The following CEP112 variants were observed in gnomAD, a reference collection of about 807,000 sequenced individuals.
The protein encoded by CEP112 is centrosomal protein of 112 kDa.
Under a neutral mutation model 153.0 loss-of-function variants are expected in CEP112, and 127 were observed. The observed-to-expected ratio is 0.83, with a 90% CI of 0.72 to 0.96. The LOEUF is 0.96. Ranked by LOEUF, CEP112 falls within the 40% of genes least tolerant of loss-of-function variation. The probability of loss-of-function intolerance (pLI) is 0.00; values close to 1 mark genes in which losing one functional copy is unlikely to be tolerated. For synonymous variants in CEP112, 358 were observed against 374.4 expected, an observed-to-expected ratio of 0.96 and a Z score of 0.51; for missense variants, 1,089 against 1,101.2, an observed-to-expected ratio of 0.99 and a Z score of 0.16.
Position 65,635,596 on chromosome 17 carries a change from C to T in CEP112, c.*375G>A. 4.0e-6 allele frequency: 1 copy of T among 251,280 alleles called. No individual in the cohort carries two copies. Among genetic ancestry groups the T allele is most frequent in the Non-Finnish European group, 7.5e-6 (1 of 133,464 alleles). 15.6% of individuals were successfully genotyped at this position (251,280 alleles called of 1,614,324 possible). A position where few individuals can be genotyped will look rare whatever the true frequency, so the allele number is the denominator to read the frequency against. ...AACATGAACATGAAAACAATGTAAA[C>T]AGGTTAGAATTTTTGATATGATACT... On this transcript the variant is annotated 3_prime_UTR_variant, in exon 27 of 27. Coordinates refer to ENST00000535342, the MANE Select transcript of CEP112 (RefSeq NM_001199165.4).
intron 24 of CEP112, among the ~76,000 whole-genome samples, chr17:65,683,764 C>G (rs568134744): frequency 3.3e-5 from 5 of 152,230 alleles, no homozygotes; most frequent in Non-Finnish European, 5.9e-5. Context: ...CAACTTCCAG[C>G]TGGGTGCGGT....
At chr17:65,831,558 A>G (rs941164491) in intron 21 of CEP112, among the ~76,000 whole-genome samples, 3 of 148,320 alleles carry the variant, frequency 2.0e-5, no homozygotes, top group Non-Finnish European at 3.0e-5. Context: ...CTCCTTCTCA[A>G]AAAAAAAAAA....
intron 21 of CEP112, among the ~76,000 whole-genome samples, chr17:65,839,095 T>C (rs2057424177): frequency 6.6e-6 from 1 of 152,100 alleles, no homozygotes; most frequent in Admixed American, 6.5e-5. Context: ...ATATCAATTC[T>C]ACTCAAAGTC....
At chr17:66,046,038 T>C (rs969531134) in intron 12 of CEP112, among the ~76,000 whole-genome samples, 3 of 55,700 alleles carry the variant, frequency 5.4e-5, no homozygotes, top group Non-Finnish European at 8.5e-5. Context: ...AAAAAGTTTT[T>C]TTTTTCTTTT....
chr17:65,879,823 T>G (rs1598864563), intron 20 of CEP112, among the ~76,000 whole-genome samples: 1 of 87,860 alleles, frequency 1.1e-5, no homozygotes. Context: ...AAACATTGAG[T>G]GAAAAGACAA....
At chr17:66,089,063 C>T (rs2068042901) in intron 8 of CEP112, among the ~76,000 whole-genome samples, 1 of 152,178 alleles carries the variant, frequency 6.6e-6, no homozygotes, top group Admixed American at 6.6e-5. Context: ...GATCCAGGCT[C>T]CAAGCTCAAA....
At chr17:65,761,863 C>T (rs569897816) in intron 21 of CEP112, among the ~76,000 whole-genome samples, 9 of 152,090 alleles carry the variant, frequency 5.9e-5, no homozygotes, top group South Asian at 2.1e-4. Flanking sequence ...ATGTGTATGC[C>T]GCTGCTGTTG....
At chr17:65,756,405 C>CAAAAAAAAA (rs766476895) in intron 21 of CEP112, among the ~76,000 whole-genome samples, 2 of 30,514 alleles carry the variant, frequency 6.6e-5, no homozygotes, top group Non-Finnish European at 1.2e-4. Context: ...GACTCCGTCT[C>CAAAAAAAAA]AAAAAAAAAA....
chr17:65,656,580 T>C (rs1725224837), intron 24 of CEP112, among the ~76,000 whole-genome samples: 1 of 152,224 alleles, frequency 6.6e-6, no homozygotes, highest in South Asian at 2.1e-4. Flanking sequence ...TGCTCATTTG[T>C]TTACTTATTG....
intron 21 of CEP112, among the ~76,000 whole-genome samples, chr17:65,849,010 T>G (rs949551312): frequency 2.0e-5 from 3 of 152,194 alleles, no homozygotes; most frequent in Non-Finnish European, 4.4e-5. Context: ...CACTGGAATC[T>G]TGACACTTCA....
intron 1 of CEP112, among the ~76,000 whole-genome samples, chr17:66,184,196 C>T (rs2072835089): frequency 6.6e-6 from 1 of 152,048 alleles, no homozygotes; most frequent in Non-Finnish European, 1.5e-5. Context: ...GAGGTAAAGG[C>T]TGCAGTGGGC....
At chr17:65,795,596 G>A (rs1361779987) in intron 21 of CEP112, among the ~76,000 whole-genome samples, 6 of 152,174 alleles carry the variant, frequency 3.9e-5, no homozygotes, top group South Asian at 2.1e-4. Flanking sequence ...AGGATCACTT[G>A]AGGTCAGGAG....
intron 20 of CEP112, among the ~76,000 whole-genome samples, 169 bp downstream of exon 20, chr17:65,901,983 C>CGGGGGGG (rs1193965831): frequency 6.1e-4 from 3 of 4,932 alleles, no homozygotes; most frequent in South Asian, 5.3e-3. Context: ...CATCCCAAAA[C>CGGGGGGG]GGGGGGGGGG....
chr17:65,930,051 T>C (rs1283535671), intron 18 of CEP112, among the ~76,000 whole-genome samples: 2 of 152,144 alleles, frequency 1.3e-5, no homozygotes, highest in East Asian at 3.9e-4. Flanking sequence ...CTTAAGACAA[T>C]ATTTTTTGTC....
At chr17:66,075,127 G>A (rs2067443808) in intron 8 of CEP112, among the ~76,000 whole-genome samples, 1 of 152,056 alleles carries the variant, frequency 6.6e-6, no homozygotes, top group Admixed American at 6.6e-5. Flanking sequence ...GAAATAGTAT[G>A]TGAGCAGAGA....
chr17:66,019,089 T>C (rs1366273410), intron 16 of CEP112, among the ~76,000 whole-genome samples: 3 of 152,224 alleles, frequency 2.0e-5, no homozygotes, highest in African/African-American at 7.2e-5. Flanking sequence ...TAGAGATCAA[T>C]AAAGACCATT....
intron 21 of CEP112, among the ~76,000 whole-genome samples, chr17:65,823,601 A>C (rs1568071310): frequency 6.6e-6 from 1 of 152,198 alleles, no homozygotes; most frequent in Non-Finnish European, 1.5e-5. Flanking sequence ...AGTCAGGCAA[A>C]GATTTTTTAT....
chr17:66,078,673 T>A (rs1209425248), intron 8 of CEP112, among the ~76,000 whole-genome samples: 1 of 152,202 alleles, frequency 6.6e-6, no homozygotes, highest in Non-Finnish European at 1.5e-5. Context: ...GGGTTTTTTT[T>A]AATTTTTGTT....
intron 8 of CEP112, among the ~76,000 whole-genome samples, chr17:66,083,205 A>T (rs2067790680): frequency 1.3e-5 from 2 of 152,124 alleles, no homozygotes; most frequent in African/African-American, 4.8e-5. Context: ...TGTTCTCATG[A>T]TAGTGAATAA....
Sources: allele counts gnomAD v4.1 joint callset (sites outside exome capture counted in the v4.1 genomes callset), GRCh38; gene constraint gnomAD v4.1.1; transcripts MANE v1.5; gene names NCBI Gene and HGNC (gene_info 2026-07-23, HGNC 2026-07-21).